Variants in DCC observed in about 807,000 individuals in gnomAD.
DCC encodes netrin receptor DCC.
A neutral mutation model predicts 172.5 loss-of-function variants in DCC; 58 were observed. The ratio of observed to expected loss-of-function variants is 0.34; its 90% CI spans 0.27 to 0.42. The LOEUF (loss-of-function observed/expected upper bound fraction) is 0.42. Ranked by LOEUF, DCC falls within the 10% of genes least tolerant of loss-of-function variation. DCC has a pLI of 1.00. For missense variants in DCC, 1,740 were observed against 1,791.0 expected, an observed-to-expected ratio of 0.97 and a Z score of 0.51; for synonymous variants, 709 against 644.5, an observed-to-expected ratio of 1.10 and a Z score of -1.52.
In DCC at chr18:52,955,960, A is replaced by AT. The variant is rs879638932; in HGVS notation, c.985+30602dup. On this transcript the variant is annotated intron_variant, in intron 5 of 28. Coordinates refer to ENST00000442544, the MANE Select transcript of DCC (RefSeq NM_005215.4). ...AAGCTTTTTGCATATTTGGGCTATC[A>AT]TTTTTTTTTTTTAAATCAGTTGCAT... Among the ~76,000 whole-genome samples the AT allele has an allele frequency of 1.2e-3, 175 of 143,664 alleles. 1 individual carries two copies. Among genetic ancestry groups the AT allele is most frequent in the Middle Eastern group, 3.7e-3 (1 of 272 alleles). 94.2% of individuals were successfully genotyped at this position (143,664 alleles called of 152,430 possible).
intron 1 of DCC, among the ~76,000 whole-genome samples, chr18:52,472,954 C>G (rs1344321048): frequency 6.6e-6 from 1 of 152,004 alleles, no homozygotes; most frequent in Non-Finnish European, 1.5e-5. Flanking sequence ...TTTCGTAGAG[C>G]CTTAAACCAA....
chr18:53,365,461 GAAAA>G (rs2057995675), intron 15 of DCC, among the ~76,000 whole-genome samples: 2 of 137,178 alleles, frequency 1.5e-5, no homozygotes, highest in African/African-American at 5.5e-5. Context: ...AAAAAAAAAA[GAAAA>G]AAGCAGCAAA....
rs1568298492 is a variant in DCC at position 53,090,732 on chromosome 18, A to AAAAAAAAAAAT, written c.1261+24568_1261+24569insAAAAAAAATAA. Among the ~76,000 whole-genome samples, 35 of 129,138 alleles carry AAAAAAAAAAAT rather than the reference A, an allele frequency of 2.7e-4. 2 individuals are homozygous for AAAAAAAAAAAT. The highest frequency in any genetic ancestry group is 5.2e-4 in the Non-Finnish European group (31 of 59,898). The allele number at this position is 129,138 out of a possible 152,430, so 84.7% of individuals were successfully genotyped here. A position where few individuals can be genotyped will look rare whatever the true frequency, so the allele number is the denominator to read the frequency against. On this transcript the variant is annotated intron_variant, in intron 7 of 28. Coordinates refer to ENST00000442544, the MANE Select transcript of DCC (RefSeq NM_005215.4). ...AAAAAAAAAAAAAAAAAAAAAAAAA[A>AAAAAAAAAAAT]AAGAATGTATCGTGTTTCTTGATGC...
rs1018574580 is a variant in DCC, at chr18:52,905,066, C to G, written c.413-978C>G. 6.6e-5 allele frequency among the ~76,000 whole-genome samples: 10 copies of G among 152,178 alleles called. No individual in the cohort carries two copies. The East Asian group carries it at 1.9e-3, about 30-fold the overall frequency. On this transcript the variant is annotated intron_variant, in intron 2 of 28. Coordinates refer to ENST00000442544, the MANE Select transcript of DCC (RefSeq NM_005215.4). Reference sequence around the variant, plus strand: ...TGAAAACACCTACCCCTCTCATGTACAACGTCATGGCAGAGAAGCCTTCTC... The same window carrying G: ...TGAAAACACCTACCCCTCTCATGTAGAACGTCATGGCAGAGAAGCCTTCTC...
At chr18:52,508,750 T>C (rs1295136345) in intron 1 of DCC, among the ~76,000 whole-genome samples, 3 of 152,226 alleles carry the variant, frequency 2.0e-5, no homozygotes, top group Non-Finnish European at 4.4e-5. Context: ...AGGAGAAATA[T>C]TCAAACAAAT....
intron 15 of DCC, among the ~76,000 whole-genome samples, chr18:53,359,975 C>A (rs879350110): frequency 1.3e-5 from 2 of 152,058 alleles, no homozygotes; most frequent in Non-Finnish European, 2.9e-5. Flanking sequence ...CTTCTTAGGA[C>A]TAGTCATGTC....
chr18:53,303,979 CCT>C (rs2057170530), intron 12 of DCC, among the ~76,000 whole-genome samples: 1 of 151,992 alleles, frequency 6.6e-6, no homozygotes, highest in African/African-American at 2.4e-5. Flanking sequence ...ATGATCTTCC[CCT>C]GGAGTTTGGT....
intron 15 of DCC, among the ~76,000 whole-genome samples, chr18:53,352,865 A>G (rs79191090): frequency 0.016 from 2,498 of 152,114 alleles, 60 homozygotes; most frequent in African/African-American, 0.056. Context: ...AATATTTTTA[A>G]TCATTCATCT....
chr18:52,794,592 ATTGT>A (rs2037837408), intron 2 of DCC, among the ~76,000 whole-genome samples: 1 of 151,968 alleles, frequency 6.6e-6, no homozygotes, highest in Non-Finnish European at 1.5e-5. Flanking sequence ...AAGAGGGATG[ATTGT>A]TCTTTCTTTT....
intron 12 of DCC, among the ~76,000 whole-genome samples, chr18:53,250,740 C>A (rs1317442596): frequency 6.6e-6 from 1 of 151,798 alleles, no homozygotes; most frequent in Non-Finnish European, 1.5e-5. Flanking sequence ...CAACTGTCTA[C>A]CATATTAACA....
chr18:53,289,016 A>G (rs185094809), intron 12 of DCC, among the ~76,000 whole-genome samples: 1 of 152,270 alleles, frequency 6.6e-6, no homozygotes, highest in East Asian at 1.9e-4. Context: ...TAGGAATGTT[A>G]TAGTCATTAA....
intron 1 of DCC, among the ~76,000 whole-genome samples, chr18:52,567,356 G>A (rs1199604533): frequency 1.3e-5 from 2 of 152,084 alleles, no homozygotes; most frequent in African/African-American, 2.4e-5. Flanking sequence ...TATAAGTGCT[G>A]CCTTGTGTGA....
At chr18:53,122,452 T>C (rs1285697703) in intron 7 of DCC, among the ~76,000 whole-genome samples, 1 of 152,006 alleles carries the variant, frequency 6.6e-6, no homozygotes, top group African/African-American at 2.4e-5. Flanking sequence ...ACAATCACAA[T>C]CTTCTTGCCT....
intron 27 of DCC, among the ~76,000 whole-genome samples, chr18:53,520,321 C>T (rs768856760): frequency 1.3e-5 from 2 of 152,082 alleles, no homozygotes; most frequent in Non-Finnish European, 2.9e-5. Context: ...ACTCACTAAT[C>T]CACATGCCTG....
intron 12 of DCC, among the ~76,000 whole-genome samples, chr18:53,284,994 AAATTTCT>A (rs571454115): frequency 6.0e-4 from 92 of 152,286 alleles, no homozygotes; most frequent in Middle Eastern, 6.8e-3. Context: ...CTGGTGGAAG[AAATTTCT>A]AAGCAGCAAA....
chr18:52,504,974 G>A (rs1289211820), intron 1 of DCC, among the ~76,000 whole-genome samples: 2 of 152,124 alleles, frequency 1.3e-5, no homozygotes, highest in Non-Finnish European at 2.9e-5. Flanking sequence ...AAAAACATTT[G>A]AAATGATCCT....
intron 8 of DCC, among the ~76,000 whole-genome samples, chr18:53,174,890 C>A (rs1306207191): frequency 3.3e-5 from 5 of 152,126 alleles, no homozygotes; most frequent in African/African-American, 1.2e-4. Context: ...GAATTTTAGA[C>A]CAATATCCTT....
intron 1 of DCC, among the ~76,000 whole-genome samples, chr18:52,443,148 CA>C (rs1243434696): frequency 1.3e-5 from 2 of 152,096 alleles, no homozygotes; most frequent in Non-Finnish European, 2.9e-5. Flanking sequence ...CACCACTGGT[CA>C]CTATAAATAC....
At chr18:53,367,701 C>T (rs2058021267) in intron 15 of DCC, among the ~76,000 whole-genome samples, 1 of 152,102 alleles carries the variant, frequency 6.6e-6, no homozygotes, top group Non-Finnish European at 1.5e-5. Context: ...CTGTCCCTGG[C>T]AGCCACCACA....
Sources: gnomAD v4.1 joint callset for allele counts (sites outside exome capture counted in the v4.1 genomes callset) on GRCh38, gnomAD v4.1.1 for gene constraint, MANE v1.5 for transcripts, NCBI Gene and HGNC (gene_info 2026-07-23, HGNC 2026-07-21) for gene names.